FBRS: variants seen among roughly 807,000 people sequenced by gnomAD.
The protein encoded by FBRS is probable fibrosin-1.
Under a neutral mutation model 86.1 loss-of-function variants are expected in FBRS, and 15 were observed. The ratio of observed to expected loss-of-function variants is 0.17; its 90% CI spans 0.12 to 0.27. The LOEUF is 0.27. Among genes scored for constraint, FBRS ranks in the 10% least tolerant of loss-of-function variants. The pLI is 1.00. For missense variants in FBRS, 1,367 were observed against 1,301.6 expected, an observed-to-expected ratio of 1.05 and a Z score of -0.77; for synonymous variants, 666 against 575.8, an observed-to-expected ratio of 1.16 and a Z score of -2.24.
At position 30,658,743 on chromosome 16, in the gene FBRS, G is replaced by A. The variant is rs894169882; in HGVS notation, c.-776G>A. The A allele has an allele frequency of 7.2e-5, 11 of 152,284 alleles. No individual in the cohort carries two copies. The highest frequency in any genetic ancestry group is 2.2e-4 in the African/African-American group (9 of 41,470). 9.4% of individuals were successfully genotyped at this position (152,284 alleles called of 1,614,324 possible). The stretch of plus-strand genomic sequence containing the variant: ...ATGGCGACCGGAGGCGGAGGCTGGA[G>A]GAGCTGGGCCCGGAGGAGGCCCCTT... On this transcript the variant is annotated 5_prime_UTR_variant, in exon 1 of 18. Coordinates refer to ENST00000356166, the MANE Select transcript of FBRS (RefSeq NM_001105079.3).
chr16:30,665,648 C>A lies in FBRS; in HGVS notation c.1715C>A (p.Pro572His), dbSNP rs552728467. 3.0e-5 allele frequency: 47 copies of A among 1,589,438 alleles called. 1 individual carries two copies. The South Asian group carries it at 5.1e-4, about 17-fold the overall frequency. Residue 572 changes from proline to histidine, a missense_variant, in exon 11 of 18, where the codon CCT (proline) becomes CAT (histidine). By Grantham distance (77) the Pro-to-His change is moderately conservative (BLOSUM62 -2). This residue lies in a region of FBRS where 659 missense variants were observed against 678.8 expected (regional missense o/e 0.97). Transcript: ENST00000356166. The surrounding 1 kb of genome is among the most constrained non-coding windows in gnomAD (Gnocchi z 4.1). ...ACTCCCCTTTCCCAGAGCACGAACCCTGAGCTGCCACCACGACTGGGGCCG... is the reference window on the plus strand; with the variant it reads ...ACTCCCCTTTCCCAGAGCACGAACCATGAGCTGCCACCACGACTGGGGCCG... The part of the protein sequence containing the change: ...QGAFQPKSTN[P>H]ELPPRLGPVP...
At chr16:30,668,231 G>A (rs1228621949) in intron 15 of FBRS, 1 of 319,552 alleles carries the variant, frequency 3.1e-6, no homozygotes, top group East Asian at 5.5e-5. Flanking sequence ...GGGGAGAAGA[G>A]CGTGACTTCA....
In FBRS at chr16:30,659,648, C is replaced by A. The variant is rs1596611604; in HGVS notation, c.130C>A (p.Pro44Thr). ...CCGCCGAGGTCCAGGCGGCGACGCG[C>A]CCCGGGCCCTGTTGGCCGCCCCGCG... Reference protein sequence around the residue: ...RRRRGPGGDAPRALLAAPRGS... With the variant: ...RRRRGPGGDATRALLAAPRGS... Residue 44 changes from proline to threonine, a missense_variant, in exon 1 of 18, where the codon CCC becomes ACC. Coordinates refer to ENST00000356166, the MANE Select transcript of FBRS (RefSeq NM_001105079.3). 5.7e-6 allele frequency: 3 copies of A among 525,578 alleles called. No individual in the cohort carries two copies. Among genetic ancestry groups the A allele is most frequent in the Admixed American group, 4.1e-5 (1 of 24,258 alleles). 32.6% of individuals were successfully genotyped at this position (525,578 alleles called of 1,614,324 possible). A position where few individuals can be genotyped will look rare whatever the true frequency, so the allele number is the denominator to read the frequency against.
rs1051366912 is a variant in FBRS at position 30,660,613 on chromosome 16, A to G, written c.639+171A>G. On this transcript the variant is annotated intron_variant, in intron 2 of 17. Coordinates refer to ENST00000356166, the MANE Select transcript of FBRS (RefSeq NM_001105079.3). The stretch of plus-strand genomic sequence containing the variant: ...CCGGGTCTGACGAAGGCCTGTCTAC[A>G]GTCAGGTGCACCTCCTTTTGCCTGG... 3 of 1,103,532 alleles carry G rather than the reference A, an allele frequency of 2.7e-6. No individual in the cohort carries two copies. In the South Asian group the frequency reaches 1.3e-4, roughly 47 times the overall value. 68.4% of individuals were successfully genotyped at this position (1,103,532 alleles called of 1,614,324 possible). A position where few individuals can be genotyped will look rare whatever the true frequency, so the allele number is the denominator to read the frequency against.
chr16:30,660,006 G>C, intron 1 of FBRS, 29 bp downstream of exon 1: 2 of 1,543,116 alleles, frequency 1.3e-6, no homozygotes, highest in East Asian at 2.5e-5. Flanking sequence ...AGGAGACTTT[G>C]GGGGTTTCCG....
chr16:30,666,649 G>A, intron 12 of FBRS, 108 bp downstream of exon 12: 1 of 1,544,648 alleles, frequency 6.5e-7, no homozygotes, highest in Non-Finnish European at 8.9e-7. Context: ...GAACATGGAG[G>A]CAGCCAGATG....
chr16:30,665,377 C>A lies in FBRS; in HGVS notation c.1680C>A (p.Ser560=). The A allele has an allele frequency of 6.4e-7, 1 of 1,570,808 alleles. No homozygotes were observed. The highest frequency in any genetic ancestry group is 8.6e-7 in the Non-Finnish European group (1 of 1,158,430). ...TCCCGCCGGCCGTCTCCTTTGGCTC[C>A]CTGCAGGGGGCCTTCCAGCCCAAGG... is the stretch of plus-strand genomic sequence containing the variant. ...PGLPPAVSFG[S]LQGAFQPKST... The change falls in exon 10 of 18, where the codon TCC becomes TCA. Residue 560 remains serine (S), a synonymous_variant. Transcript: ENST00000356166. This position sits in a 1 kb window ranked among gnomAD's most constrained non-coding sequence, Gnocchi z 4.1.
chr16:30,664,217 C>A lies in FBRS; in HGVS notation c.1058C>A (p.Ser353Tyr). The change falls in exon 7 of 18, where the codon TCT becomes TAT. Residue 353 changes from serine to tyrosine, a missense_variant and splice_region_variant. This residue lies in a region of FBRS where 702 missense variants were observed against 598.7 expected (regional missense o/e 1.17). Transcript: ENST00000356166. ...CATCTCCCCACTTCTCTCCCCAGCT[C>A]TTCACGGCCGCCCCCCAAGGCCCCG... is the stretch of plus-strand genomic sequence containing the variant. ...GSSLDLSTGSSSRPPPKAPAP... is the reference protein window; with the variant it reads ...GSSLDLSTGSYSRPPPKAPAP... 1 of 1,420,128 alleles carries A rather than the reference C, an allele frequency of 7.0e-7. No individual in the cohort carries two copies. The highest frequency in any genetic ancestry group is 9.3e-7 in the Non-Finnish European group (1 of 1,071,924). 88.0% of individuals were successfully genotyped at this position (1,420,128 alleles called of 1,614,324 possible).
intron 2 of FBRS, among the ~76,000 whole-genome samples, chr16:30,660,749 C>T (rs980769905): frequency 6.6e-6 from 1 of 152,114 alleles, no homozygotes; most frequent in Non-Finnish European, 1.5e-5. Flanking sequence ...GGCAGTCCAG[C>T]AGAAAAGAAA....
chr16:30,663,064 C>T (rs2052480399), intron 6 of FBRS: 1 of 1,025,626 alleles, frequency 9.8e-7, no homozygotes, highest in African/African-American at 1.7e-5. Flanking sequence ...TGTGCTGTTT[C>T]CCAGTTGTGT....
intron 6 of FBRS, 60 bp downstream of exon 6, chr16:30,662,919 A>G (rs1596614980): frequency 7.2e-7 from 1 of 1,392,006 alleles, no homozygotes; most frequent in African/African-American, 1.5e-5. Flanking sequence ...GGTGGCGGGG[A>G]CACAGGATGG....
Position 30,659,929 on chromosome 16 carries a change from G to T in FBRS, c.411G>T (p.Leu137Phe). Residue 137 changes from leucine to phenylalanine, a missense_variant, in exon 1 of 18, where the codon TTG becomes TTT. This residue lies in a region of FBRS where 702 missense variants were observed against 598.7 expected (regional missense o/e 1.17). Transcript: ENST00000356166. Reference protein sequence around the residue: ...PEEEEEEEEDLIDGFAIASFA... With the variant: ...PEEEEEEEEDFIDGFAIASFA... ...AGGAGGAAGAGGAGGAGGAGGACTTGATCGATGGCTTCGCCATCGCCAGCT... is the reference window on the plus strand; with the variant it reads ...AGGAGGAAGAGGAGGAGGAGGACTTTATCGATGGCTTCGCCATCGCCAGCT... 2.6e-6 allele frequency: 4 copies of T among 1,551,676 alleles called. No homozygotes were observed. The highest frequency in any genetic ancestry group is 3.5e-6 in the Non-Finnish European group (4 of 1,147,900).
At position 30,664,705 on chromosome 16, in the gene FBRS, C is replaced by G. The variant is rs1306858946; in HGVS notation, c.1358-10C>G. The G allele has an allele frequency of 1.7e-5, 26 of 1,510,750 alleles. No homozygotes were observed. Among genetic ancestry groups the G allele is most frequent in the Non-Finnish European group, 2.2e-5 (25 of 1,124,570 alleles). 93.6% of individuals were successfully genotyped at this position (1,510,750 alleles called of 1,614,324 possible). ...ACAGCATTAAAGCCTTCTCCCGTCCCCTCCCACAGAGCAGGACCTGATCGG... is the reference window on the plus strand; with the variant it reads ...ACAGCATTAAAGCCTTCTCCCGTCCGCTCCCACAGAGCAGGACCTGATCGG... On this transcript the variant is annotated splice_polypyrimidine_tract_variant and intron_variant, in intron 7 of 17. Transcript: ENST00000356166.
intron 15 of FBRS, among the ~76,000 whole-genome samples, 157 bp downstream of exon 15, chr16:30,667,779 C>T (rs1424606371): frequency 6.6e-6 from 1 of 152,160 alleles, no homozygotes; most frequent in African/African-American, 2.4e-5. Context: ...GCCTTGATTT[C>T]CTCATCTGTA....
rs754944022 is a variant in FBRS, at chr16:30,667,369, C to T, written c.1925C>T (p.Pro642Leu). Residue 642 changes from proline (P) to leucine (L), a missense_variant, in exon 14 of 18, where the codon CCG becomes CTG. This residue lies in a region of FBRS where 659 missense variants were observed against 678.8 expected (regional missense o/e 0.97). Transcript: ENST00000356166. ...DFRNDLLPCL[P>L]GPYGALPPGQ... ...CGGAATGACCTCCTGCCCTGCCTTC[C>T]GGGGCCCTATGGGGCCCTGCCCCCT... is the stretch of plus-strand genomic sequence containing the variant. 1.5e-5 allele frequency: 24 copies of T among 1,553,774 alleles called. No individual in the cohort carries two copies. Among genetic ancestry groups the T allele is most frequent in the African/African-American group, 6.8e-5 (5 of 73,136 alleles).
rs893903035 is a variant in FBRS at position 30,659,080 on chromosome 16, A to AG, written c.-435dup. The AG allele has an allele frequency of 2.0e-5, 3 of 152,124 alleles. No individual in the cohort carries two copies. The highest frequency in any genetic ancestry group is 4.8e-5 in the African/African-American group (2 of 41,390). 9.4% of individuals were successfully genotyped at this position (152,124 alleles called of 1,614,324 possible). On this transcript the variant is annotated 5_prime_UTR_variant, in exon 1 of 18. Transcript: ENST00000356166. ...GCCGGAGGACTTGAGACACTTTTAA[A>AG]GGGGAGGTCTGCGTTTCGGGGCGAG...
At chr16:30,664,673 T>C (rs1338179304) in intron 7 of FBRS, 42 bp from the exon 8 acceptor site, 12 of 1,467,170 alleles carry the variant, frequency 8.2e-6, no homozygotes, top group Middle Eastern at 1.8e-4. Flanking sequence ...AGGAGGCTGA[T>C]GTGGCGACAG....
At chr16:30,667,932 C>CT in intron 15 of FBRS, 1 of 343,142 alleles carries the variant, frequency 2.9e-6, no homozygotes. Flanking sequence ...TGGCCACTGA[C>CT]TCCTAGGATC....
chr16:30,667,467 G>T, intron 14 of FBRS, 30 bp downstream of exon 14: 1 of 1,521,624 alleles, frequency 6.6e-7, no homozygotes, highest in African/African-American at 1.4e-5. Flanking sequence ...TCGGGCCTGA[G>T]GTTCCCTGTC....
Sources: gnomAD v4.1 joint callset for allele counts (sites outside exome capture counted in the v4.1 genomes callset) on GRCh38, gnomAD v4.1.1 for gene constraint, gnomAD v4.1.1 regional missense constraint, Gnocchi (gnomAD v3.1) non-coding constraint, MANE v1.5 for transcripts, NCBI Gene and HGNC (gene_info 2026-07-23, HGNC 2026-07-21) for gene names.